Variants in UFD1 observed in about 807,000 individuals in gnomAD.
The protein encoded by UFD1 is ubiquitin recognition factor in ER associated degradation 1.
Under a neutral mutation model 45.9 loss-of-function variants are expected in UFD1, and 13 were observed. The observed-to-expected ratio is 0.28, with a 90% CI of 0.18 to 0.45. The LOEUF is 0.45. UFD1 is among the 20% of genes least tolerant of loss of function. The pLI is 1.00. For missense variants in UFD1, 218 were observed against 389.2 expected (o/e 0.56, Z 3.70); for synonymous variants, 128 against 139.2 (o/e 0.92, Z 0.56).
rs895633555 is a variant in UFD1 at position 19,454,944 on chromosome 22, C to T, written c.768-114G>A. On this transcript the variant is annotated intron_variant, in intron 10 of 11. Transcript: ENST00000263202. ...GATGCTGCTGCACCCCACCTGGGCC[C>T]TTTGGTGCTTCCTGGCATCCTCCCA... 35 of 1,222,034 alleles carry T rather than the reference C, an allele frequency of 2.9e-5. No homozygotes were observed. The Admixed American group carries it at 9.0e-4, about 32-fold the overall frequency. 75.7% of individuals were successfully genotyped at this position (1,222,034 alleles called of 1,614,324 possible). A position where few individuals can be genotyped will look rare whatever the true frequency, so the allele number is the denominator to read the frequency against.
At chr22:19,475,269 G>A (rs1388336932) in intron 2 of UFD1, among the ~76,000 whole-genome samples, 169 bp from the exon 3 acceptor site, 1 of 152,108 alleles carries the variant, frequency 6.6e-6, no homozygotes, top group Non-Finnish European at 1.5e-5. Context: ...ATTTATTTTG[G>A]GAACTGAATG....
chr22:19,472,029 C>T (rs918656458), intron 3 of UFD1, among the ~76,000 whole-genome samples: 2 of 152,206 alleles, frequency 1.3e-5, no homozygotes, highest in African/African-American at 4.8e-5. Flanking sequence ...CTGAAGTCAA[C>T]ATTTTAAAAA....
intron 11 of UFD1, chr22:19,451,179 C>G (rs2089679816): frequency 4.8e-5 from 47 of 984,620 alleles, no homozygotes; most frequent in Non-Finnish European, 5.4e-5. Context: ...TTTCAGGTCA[C>G]TTTTCTGTAC....
rs111962518 is a variant in UFD1 at position 19,450,578 on chromosome 22, G to A, written c.*92C>T. 4.0e-5 allele frequency: 59 copies of A among 1,485,626 alleles called. No individual in the cohort carries two copies. In the African/African-American group the frequency reaches 5.0e-4, roughly 13 times the overall value. 92.0% of individuals were successfully genotyped at this position (1,485,626 alleles called of 1,614,324 possible). A position where few individuals can be genotyped will look rare whatever the true frequency, so the allele number is the denominator to read the frequency against. ...AATCTTAAGTAACAGAGTATTCTCT[G>A]ATGAGGCTCGTCCCTGTCAGTGCCA... On this transcript the variant is annotated 3_prime_UTR_variant, in exon 12 of 12. Transcript: ENST00000263202.
intron 6 of UFD1, 132 bp from the exon 7 acceptor site, chr22:19,458,271 G>A (rs2089739055): frequency 2.2e-6 from 2 of 889,788 alleles, no homozygotes; most frequent in Non-Finnish European, 1.8e-6. Context: ...ACCTACAGCT[G>A]CACTTCTTGC....
intron 11 of UFD1, chr22:19,452,152 A>C (rs1385177064): frequency 6.1e-6 from 1 of 165,040 alleles, no homozygotes; most frequent in African/African-American, 2.4e-5. Context: ...TTTATTCTTC[A>C]TAGTTTTGGA....
rs747689710 is a variant in UFD1 at position 19,465,289 on chromosome 22, T to C, written c.423-15A>G. 2 of 1,612,804 alleles carry C rather than the reference T, an allele frequency of 1.2e-6. No homozygotes were observed. The highest frequency in any genetic ancestry group is 1.7e-6 in the Non-Finnish European group (2 of 1,178,906). On this transcript the variant is annotated splice_polypyrimidine_tract_variant and intron_variant, in intron 5 of 11. Transcript: ENST00000263202. ...CGTTTTCTAATCTGCAGACACATTCTGTCAAGGCAACATGGCAAGATGGAT... is the reference window on the plus strand; with the variant it reads ...CGTTTTCTAATCTGCAGACACATTCCGTCAAGGCAACATGGCAAGATGGAT...
rs776687049 is a variant in UFD1 at position 19,475,055 on chromosome 22, A to G, written c.169+13T>C. ...CATTATCTAAGTCCTTAAGTCACTC[A>G]GAAGATACTTACTGAGTTGGTCCAG... On this transcript the variant is annotated intron_variant, in intron 3 of 11. Coordinates refer to ENST00000263202, the MANE Select transcript of UFD1 (RefSeq NM_005659.7). The G allele has an allele frequency of 2.5e-6, 4 of 1,608,752 alleles. No homozygotes were observed. The highest frequency in any genetic ancestry group is 2.5e-6 in the Non-Finnish European group (3 of 1,178,116).
At chr22:19,457,359 G>A (rs1466872295) in intron 7 of UFD1, among the ~76,000 whole-genome samples, 2 of 152,140 alleles carry the variant, frequency 1.3e-5, no homozygotes, top group African/African-American at 2.4e-5. Flanking sequence ...CTTCCATTTC[G>A]AAAGTTCTGT....
rs1020456966 is a variant in UFD1, at chr22:19,455,664, G to A, written c.767+16C>T. 1 of 1,611,302 alleles carries A rather than the reference G, an allele frequency of 6.2e-7. No homozygotes were observed. Among genetic ancestry groups the A allele is most frequent in the Non-Finnish European group, 8.5e-7 (1 of 1,177,726 alleles). On this transcript the variant is annotated intron_variant, in intron 10 of 11. Transcript: ENST00000263202. ...GATCCTCCTCCTGTCCTGGAGGAGA[G>A]CCAGGACAGACCTACCTTTTAATAT...
chr22:19,472,086 T>C (rs2089850558), intron 3 of UFD1, among the ~76,000 whole-genome samples: 1 of 152,210 alleles, frequency 6.6e-6, no homozygotes, highest in East Asian at 1.9e-4. Context: ...GTGCCCACCA[T>C]GCCCTGGACA....
At chr22:19,462,346 CTT>C (rs1038738513) in intron 6 of UFD1, among the ~76,000 whole-genome samples, 1 of 152,170 alleles carries the variant, frequency 6.6e-6, no homozygotes, top group Non-Finnish European at 1.5e-5. Context: ...ACAGAGAACA[CTT>C]TAATTCTAAA....
rs545342010 is a variant in UFD1, at chr22:19,470,133, A to T, written c.291+1554T>A. 5.3e-4 allele frequency: 241 copies of T among 458,362 alleles called. 5 individuals are homozygous for T. Among genetic ancestry groups the T allele is most frequent in the South Asian group, 3.4e-3 (222 of 65,204 alleles). The allele number at this position is 458,362 out of a possible 1,614,324, so 28.4% of individuals were successfully genotyped here. On this transcript the variant is annotated intron_variant, in intron 4 of 11. Coordinates refer to ENST00000263202, the MANE Select transcript of UFD1 (RefSeq NM_005659.7). ...GGGGGCACCTGCAGACAAACACAAG[A>T]ATAGCAAGGGGCTGAGCAGCAAATA...
intron 11 of UFD1, chr22:19,451,236 A>G (rs536280706): frequency 4.7e-4 from 463 of 986,624 alleles, no homozygotes; most frequent in Admixed American, 1.6e-3. Context: ...TCTCATGCCA[A>G]TAAACTTCCT....
chr22:19,465,641 T>C (rs1236285113), intron 5 of UFD1: 4 of 225,656 alleles, frequency 1.8e-5, no homozygotes, highest in African/African-American at 9.1e-5. Context: ...GGAAAGGACC[T>C]TTTGGGGACA....
At chr22:19,477,655 C>T (rs1298979770) in intron 1 of UFD1, among the ~76,000 whole-genome samples, 1 of 151,240 alleles carries the variant, frequency 6.6e-6, no homozygotes, top group Non-Finnish European at 1.5e-5. Context: ...GACTGAAAAA[C>T]GGTTAAGATG....
chr22:19,476,660 C>G (rs1241064205), intron 1 of UFD1, among the ~76,000 whole-genome samples: 1 of 147,716 alleles, frequency 6.8e-6, no homozygotes, highest in East Asian at 2.0e-4. Context: ...TCTATACATA[C>G]TATGTTTTTT....
intron 1 of UFD1, 43 bp from the exon 2 acceptor site, chr22:19,475,645 T>C: frequency 6.2e-7 from 1 of 1,611,234 alleles, no homozygotes; most frequent in Non-Finnish European, 8.5e-7. Context: ...CAAAGGTACA[T>C]TTCTTCATGT....
intron 6 of UFD1, among the ~76,000 whole-genome samples, chr22:19,463,775 A>G (rs1450062386): frequency 6.6e-6 from 1 of 152,238 alleles, no homozygotes; most frequent in Non-Finnish European, 1.5e-5. Flanking sequence ...ACAACAGTAC[A>G]TTAATCAGAA....
Sources: gnomAD v4.1 joint callset for allele counts (sites outside exome capture counted in the v4.1 genomes callset) on GRCh38, gnomAD v4.1.1 for gene constraint, MANE v1.5 for transcripts, NCBI Gene and HGNC (gene_info 2026-07-23, HGNC 2026-07-21) for gene names.